Variants in PEX5L observed in about 807,000 individuals in gnomAD.
PEX5L encodes PEX5-related protein.
A neutral mutation model predicts 84.0 loss-of-function variants in PEX5L; 30 were observed. That is an observed-to-expected ratio of 0.36 (90% confidence interval 0.27 to 0.48). The LOEUF is 0.48. Ranked by LOEUF, PEX5L falls within the 20% of genes least tolerant of loss-of-function variation. PEX5L has a pLI of 0.99. For missense variants in PEX5L, 533 were observed against 754.6 expected, an observed-to-expected ratio of 0.71 and a Z score of 3.44; for synonymous variants, 270 against 283.1, an observed-to-expected ratio of 0.95 and a Z score of 0.46.
intron 8 of PEX5L, among the ~76,000 whole-genome samples, chr3:179,850,697 A>G (rs942241826): frequency 2.0e-5 from 3 of 152,212 alleles, no homozygotes; most frequent in Admixed American, 1.3e-4. Context: ...TAAGCAGTTA[A>G]CTTCAAGATT....
intron 2 of PEX5L, among the ~76,000 whole-genome samples, chr3:179,950,882 C>A (rs552621579): frequency 2.6e-5 from 4 of 152,098 alleles, no homozygotes; most frequent in Non-Finnish European, 5.9e-5. Context: ...GAAACGGAGA[C>A]GTAAGAGGAG....
chr3:179,808,963 G>A (rs539888714), intron 12 of PEX5L, among the ~76,000 whole-genome samples: 9 of 150,864 alleles, frequency 6.0e-5, no homozygotes, highest in Middle Eastern at 3.4e-3. Flanking sequence ...AGTCCCAGCT[G>A]CTCGGGAGGC....
chr3:179,864,890 T>C (rs1400015181), intron 7 of PEX5L, among the ~76,000 whole-genome samples: 1 of 152,152 alleles, frequency 6.6e-6, no homozygotes, highest in African/African-American at 2.4e-5. Context: ...TGAATGGCAG[T>C]AGAGGAAAGT....
chr3:180,030,222 T>G (rs1791328579), intron 1 of PEX5L, among the ~76,000 whole-genome samples: 1 of 152,146 alleles, frequency 6.6e-6, no homozygotes, highest in South Asian at 2.1e-4. Flanking sequence ...CCATGGTGCT[T>G]CTCACTGGGT....
intron 2 of PEX5L, among the ~76,000 whole-genome samples, chr3:179,926,656 G>A (rs1771541434): frequency 6.6e-6 from 1 of 152,130 alleles, no homozygotes; most frequent in African/African-American, 2.4e-5. Flanking sequence ...ATTTTTCTAT[G>A]TTTGCTGTTG....
At chr3:179,966,566 T>C (rs1010980276) in intron 2 of PEX5L, among the ~76,000 whole-genome samples, 4 of 152,188 alleles carry the variant, frequency 2.6e-5, no homozygotes, top group Non-Finnish European at 5.9e-5. Context: ...GACTATCTAT[T>C]AGCACCAGAT....
rs182604625 is a variant in PEX5L, at chr3:179,958,856, C to T, written c.93+12738G>A. 3.3e-5 allele frequency among the ~76,000 whole-genome samples: 5 copies of T among 152,034 alleles called. No homozygotes were observed. In the East Asian group the frequency reaches 9.7e-4, roughly 29 times the overall value. ...ACACCAAAAATTGGAATAACATAAA[C>T]CAATGCTTCCTAGGAGCCACAGTGT... On this transcript the variant is annotated intron_variant, in intron 2 of 14. Transcript: ENST00000467460.
intron 8 of PEX5L, among the ~76,000 whole-genome samples, chr3:179,831,443 A>G (rs548188921): frequency 6.6e-6 from 1 of 152,308 alleles, no homozygotes; most frequent in South Asian, 2.1e-4. Context: ...ATCTTCTCAA[A>G]GTAATCATAT....
At position 179,801,604 on chromosome 3, in the gene PEX5L, T is replaced by C. The variant is rs1243309868; in HGVS notation, c.*224A>G. On this transcript the variant is annotated 3_prime_UTR_variant, in exon 15 of 15. Transcript: ENST00000467460. ...TTATCTTGGTTTGTCTTGAGTCTCT[T>C]AATTCTTCTTTTGAGCCTGACTTTG... is the stretch of plus-strand genomic sequence containing the variant. 12 of 528,524 alleles carry C rather than the reference T, an allele frequency of 2.3e-5. No individual in the cohort carries two copies. The highest frequency in any genetic ancestry group is 4.0e-5 in the Non-Finnish European group (12 of 297,042). The allele number at this position is 528,524 out of a possible 1,614,324, so 32.7% of individuals were successfully genotyped here.
intron 5 of PEX5L, among the ~76,000 whole-genome samples, chr3:179,879,619 G>A (rs557641057): frequency 6.6e-6 from 1 of 152,332 alleles, no homozygotes; most frequent in Admixed American, 6.5e-5. Context: ...TGGACTGAGT[G>A]CTCCTACAGA....
chr3:179,843,449 C>T (rs145592927), intron 8 of PEX5L, among the ~76,000 whole-genome samples: 2 of 152,220 alleles, frequency 1.3e-5, no homozygotes, highest in East Asian at 3.9e-4. Context: ...GAAACTGAGG[C>T]CTGCAGAGAG....
chr3:179,806,078 T>C (rs1721187202), intron 14 of PEX5L, among the ~76,000 whole-genome samples: 1 of 150,922 alleles, frequency 6.6e-6, no homozygotes, highest in Non-Finnish European at 1.5e-5. Flanking sequence ...AATTACATTA[T>C]ATGTTTTATA....
At chr3:179,852,528 A>G (rs1742323894) in intron 8 of PEX5L, among the ~76,000 whole-genome samples, 1 of 152,220 alleles carries the variant, frequency 6.6e-6, no homozygotes. Flanking sequence ...AAACTATCAC[A>G]AGTAAGGTTT....
At chr3:179,893,041 G>A (rs371154488) in intron 3 of PEX5L, among the ~76,000 whole-genome samples, 2 of 152,098 alleles carry the variant, frequency 1.3e-5, no homozygotes, top group East Asian at 1.9e-4. Flanking sequence ...TAAGAAGATA[G>A]GTGAGAACTT....
chr3:179,841,608 T>A (rs1468396601), intron 8 of PEX5L, among the ~76,000 whole-genome samples: 1 of 152,240 alleles, frequency 6.6e-6, no homozygotes, highest in Non-Finnish European at 1.5e-5. Flanking sequence ...AATAGTCACT[T>A]AACTATAATG....
chr3:180,011,476 G>A (rs1242286808), intron 1 of PEX5L, among the ~76,000 whole-genome samples: 3 of 152,014 alleles, frequency 2.0e-5, no homozygotes, highest in African/African-American at 4.8e-5. Flanking sequence ...TGTGACTTAC[G>A]GTTACTAAGA....
chr3:180,006,763 T>C, intron 1 of PEX5L, among the ~76,000 whole-genome samples: 1 of 152,142 alleles, frequency 6.6e-6, no homozygotes, highest in Non-Finnish European at 1.5e-5. Flanking sequence ...TGATAAACCC[T>C]TCAGATCTTG....
At chr3:179,849,833 G>A (rs1371850334) in intron 8 of PEX5L, among the ~76,000 whole-genome samples, 1 of 152,164 alleles carries the variant, frequency 6.6e-6, no homozygotes, top group Admixed American at 6.5e-5. Flanking sequence ...GCAGATCGTG[G>A]ATTTCTCAGA....
In PEX5L at chr3:179,886,217, AT is replaced by A. The variant is rs1755806386; in HGVS notation, c.310+1455del. Among the ~76,000 whole-genome samples the A allele has an allele frequency of 2.0e-5, 3 of 152,152 alleles. No homozygotes were observed. In the South Asian group the frequency reaches 6.2e-4, roughly 32 times the overall value. On this transcript the variant is annotated intron_variant, in intron 4 of 14. Coordinates refer to ENST00000467460, the MANE Select transcript of PEX5L (RefSeq NM_016559.3). ...CAATTGGACATACAAGGTTATCTGT[AT>A]TTTCCTGGGGTAGTTCTCGAGTTTT...
Sources: allele counts gnomAD v4.1 joint callset (sites outside exome capture counted in the v4.1 genomes callset), GRCh38; gene constraint gnomAD v4.1.1; transcripts MANE v1.5; gene names NCBI Gene and HGNC (gene_info 2026-07-23, HGNC 2026-07-21).